Variants in CDC14A observed in about 807,000 individuals in gnomAD.
CDC14A encodes the protein cell division cycle 14A.
A neutral mutation model predicts 74.4 loss-of-function variants in CDC14A; 53 were observed. The ratio of observed to expected loss-of-function variants is 0.71; its 90% CI spans 0.57 to 0.89. The LOEUF is 0.89. CDC14A is among the 40% of genes least tolerant of loss of function. CDC14A has a pLI of 0.00. For synonymous variants in CDC14A, 247 were observed against 258.4 expected (o/e 0.96, Z 0.43); for missense variants, 646 against 713.7 (o/e 0.91, Z 1.08).
chr1:100,425,763 T>A (rs775574069), intron 5 of CDC14A, among the ~76,000 whole-genome samples: 1 of 152,240 alleles, frequency 6.6e-6, no homozygotes, highest in African/African-American at 2.4e-5. Context: ...TCCTTCCACT[T>A]CTAATGGCTC....
Position 100,518,526 on chromosome 1 carries a change from G to T in CDC14A, c.*246G>T. ...TACTTTTAAAGACAGTTTTAATGTTGAATTTGGTATTTTGAAGGGTTATTT... is the reference window on the plus strand; with the variant it reads ...TACTTTTAAAGACAGTTTTAATGTTTAATTTGGTATTTTGAAGGGTTATTT... On this transcript the variant is annotated 3_prime_UTR_variant, in exon 16 of 16. Transcript: ENST00000336454. 1 of 416,826 alleles carries T rather than the reference G, an allele frequency of 2.4e-6. No homozygotes were observed. Among genetic ancestry groups the T allele is most frequent in the Non-Finnish European group, 4.3e-6 (1 of 231,074 alleles). The allele number at this position is 416,826 out of a possible 1,614,324, so 25.8% of individuals were successfully genotyped here.
At chr1:100,484,680 G>A (rs1357796536) in intron 11 of CDC14A, 4 of 1,116,866 alleles carry the variant, frequency 3.6e-6, no homozygotes, top group Admixed American at 9.7e-5. Context: ...GGCTACTCTG[G>A]TAAGGGGTAA....
chr1:100,442,996 G>A lies in CDC14A; in HGVS notation c.519G>A (p.Glu173=). 1 of 1,571,998 alleles carries A rather than the reference G, an allele frequency of 6.4e-7. No individual in the cohort carries two copies. ...TFDVDEYEHY[E]RVENGDFNWI... ...ATGTGGATGAATATGAACATTATGA[G>A]GTTTGTACATTTAATTTTTTTTACA... Residue 173 remains glutamate (E), a splice_region_variant and synonymous_variant, in exon 7 of 16, where the codon GAG becomes GAA. Transcript: ENST00000336454.
At chr1:100,411,090 C>G (rs74103165) in intron 4 of CDC14A, among the ~76,000 whole-genome samples, 243 of 152,306 alleles carry the variant, frequency 1.6e-3, no homozygotes, top group African/African-American at 5.8e-3. Flanking sequence ...AACCAGCCCA[C>G]CCTTCTCCAC....
At chr1:100,351,676 C>A, upstream of CDC14A, 1 of 1,436,520 alleles carries the variant, frequency 7.0e-7, no homozygotes, top group Non-Finnish European at 9.6e-7. Context: ...CCCTCCGGGA[C>A]CGGAGCACTG....
intron 10 of CDC14A, among the ~76,000 whole-genome samples, chr1:100,482,271 A>T (rs1669563518): frequency 1.3e-5 from 2 of 152,168 alleles, no homozygotes. Context: ...AGACTCTTAA[A>T]AGGTCTTTCC....
At chr1:100,493,546 T>C (rs1468177048) in intron 11 of CDC14A, among the ~76,000 whole-genome samples, 1 of 152,224 alleles carries the variant, frequency 6.6e-6, no homozygotes, top group Non-Finnish European at 1.5e-5. Flanking sequence ...AAAACTGATT[T>C]CTGGAGATTT....
At chr1:100,510,300 A>G (rs1016732475) in intron 15 of CDC14A, among the ~76,000 whole-genome samples, 3 of 152,220 alleles carry the variant, frequency 2.0e-5, no homozygotes, top group African/African-American at 4.8e-5. Context: ...TTATTTATTT[A>G]ACCTGCTATT....
At chr1:100,355,613 A>C (rs1485626977) in intron 2 of CDC14A, among the ~76,000 whole-genome samples, 1 of 152,212 alleles carries the variant, frequency 6.6e-6, no homozygotes, top group Non-Finnish European at 1.5e-5. Flanking sequence ...TGGGATTGAC[A>C]TTTGAAATAC....
At position 100,356,263 on chromosome 1, in the gene CDC14A, A is replaced by G. The variant is rs140904498; in HGVS notation, c.140+2411A>G. Among the ~76,000 whole-genome samples the G allele has an allele frequency of 2.0e-3, 304 of 152,310 alleles. 1 individual carries two copies. Among genetic ancestry groups the G allele is most frequent in the African/African-American group, 6.8e-3 (282 of 41,568 alleles). The stretch of plus-strand genomic sequence containing the variant: ...GTATGACTTGATTTGTGCTAATTAC[A>G]AACAATGGGAAACATTTATTGAGCA... On this transcript the variant is annotated intron_variant, in intron 2 of 15. Coordinates refer to ENST00000336454, the MANE Select transcript of CDC14A (RefSeq NM_003672.4).
At chr1:100,365,759 G>A (rs972677758) in intron 2 of CDC14A, among the ~76,000 whole-genome samples, 1 of 152,176 alleles carries the variant, frequency 6.6e-6, no homozygotes, top group Non-Finnish European at 1.5e-5. Flanking sequence ...TCTGAGGTTG[G>A]TATTTGTTAT....
intron 10 of CDC14A, among the ~76,000 whole-genome samples, chr1:100,471,490 T>C (rs1424477697): frequency 6.6e-6 from 1 of 151,972 alleles, no homozygotes; most frequent in Non-Finnish European, 1.5e-5. Flanking sequence ...AACCGAAGAA[T>C]TTTTTTTATT....
intron 10 of CDC14A, among the ~76,000 whole-genome samples, chr1:100,476,860 G>A (rs2101316153): frequency 6.6e-6 from 1 of 152,310 alleles, no homozygotes; most frequent in East Asian, 1.9e-4. Context: ...CTTTGCAGAA[G>A]TGATTAAGTT....
rs1044970927 is a variant in CDC14A, at chr1:100,478,254, C to T, written c.978-6038C>T. Among the ~76,000 whole-genome samples, 40 of 151,938 alleles carry T rather than the reference C, an allele frequency of 2.6e-4. 1 individual carries two copies. The highest frequency in any genetic ancestry group is 1.9e-4 in the East Asian group (1 of 5,182). ...AGCCAACTCTGGACTCAATGTCCTC[C>T]GAGACAACCTTTAGAAGTATAAAGG... On this transcript the variant is annotated intron_variant, in intron 10 of 15. Transcript: ENST00000336454.
chr1:100,441,807 ATG>A (rs1664963770), intron 6 of CDC14A, among the ~76,000 whole-genome samples: 1 of 152,124 alleles, frequency 6.6e-6, no homozygotes. Flanking sequence ...CACAGCAAAT[ATG>A]ATTTGATAGT....
At chr1:100,499,899 G>T (rs562985648) in intron 15 of CDC14A, among the ~76,000 whole-genome samples, 1 of 152,122 alleles carries the variant, frequency 6.6e-6, no homozygotes, top group Non-Finnish European at 1.5e-5. Context: ...AGCAAGCAGA[G>T]TATCAGGAAG....
At chr1:100,389,460 A>ATAC (rs1470702566) in intron 3 of CDC14A, among the ~76,000 whole-genome samples, 2 of 125,484 alleles carry the variant, frequency 1.6e-5, no homozygotes, top group African/African-American at 1.1e-4. Flanking sequence ...TCAAAAAAAA[A>ATAC]AAATATATAT....
chr1:100,477,518 G>A (rs1350636351), intron 10 of CDC14A, among the ~76,000 whole-genome samples: 1 of 151,956 alleles, frequency 6.6e-6, no homozygotes, highest in Admixed American at 6.6e-5. Context: ...TAAAAAGGAG[G>A]CTATTATCAT....
intron 9 of CDC14A, among the ~76,000 whole-genome samples, chr1:100,463,700 A>G (rs895475784): frequency 3.3e-5 from 5 of 152,214 alleles, no homozygotes; most frequent in African/African-American, 7.2e-5. Context: ...TACTCAGAAA[A>G]TATGACATGC....
Sources: allele counts gnomAD v4.1 joint callset (sites outside exome capture counted in the v4.1 genomes callset), GRCh38; gene constraint gnomAD v4.1.1; transcripts MANE v1.5; gene names NCBI Gene and HGNC (gene_info 2026-07-23, HGNC 2026-07-21).